ARFGEF3: variants seen among roughly 807,000 people sequenced by gnomAD.
ARFGEF3 encodes ARFGEF family member 3, also known as brefeldin A-inhibited guanine nucleotide-exchange protein 3.
Under a neutral mutation model 221.7 loss-of-function variants are expected in ARFGEF3, and 96 were observed. The observed-to-expected ratio is 0.43, with a 90% CI of 0.37 to 0.51. ARFGEF3 has a LOEUF of 0.51. ARFGEF3 is among the 20% of genes least tolerant of loss of function. ARFGEF3 has a pLI of 0.00. For synonymous variants in ARFGEF3, 1,145 were observed against 1,126.8 expected, an observed-to-expected ratio of 1.02 and a Z score of -0.32; for missense variants, 2,410 against 2,789.9, an observed-to-expected ratio of 0.86 and a Z score of 3.07.
At chr6:138,233,502 G>T (rs1292122469) in intron 5 of ARFGEF3, among the ~76,000 whole-genome samples, 1 of 151,900 alleles carries the variant, frequency 6.6e-6, no homozygotes. Flanking sequence ...TCAGCCTCCC[G>T]AGTAGCTGGG....
chr6:138,227,723 A>G (rs1778110893), intron 4 of ARFGEF3, among the ~76,000 whole-genome samples: 1 of 152,240 alleles, frequency 6.6e-6, no homozygotes, highest in Non-Finnish European at 1.5e-5. Context: ...CACAGGCTCC[A>G]CGGATGGTAT....
intron 2 of ARFGEF3, among the ~76,000 whole-genome samples, chr6:138,194,781 T>C (rs1353749273): frequency 6.6e-6 from 1 of 152,010 alleles, no homozygotes; most frequent in Non-Finnish European, 1.5e-5. Context: ...AAAGAGAAGC[T>C]ATTCCAGGAA....
At chr6:138,320,945 C>G (rs1780012816) in intron 28 of ARFGEF3, among the ~76,000 whole-genome samples, 166 bp from the exon 29 acceptor site, 1 of 151,372 alleles carries the variant, frequency 6.6e-6, no homozygotes, top group African/African-American at 2.4e-5. Context: ...TGGGTTTTGG[C>G]GGGGGGGGGC....
rs116045215 is a variant in ARFGEF3, at chr6:138,275,162, C to T, written c.2129-3289C>T. On this transcript the variant is annotated intron_variant, in intron 12 of 33. Transcript: ENST00000251691. ...TTTAAAAAATAATAATAAAATGCACCTCAGCCCATGATCACAAAGTGCTCT... is the reference window on the plus strand; with the variant it reads ...TTTAAAAAATAATAATAAAATGCACTTCAGCCCATGATCACAAAGTGCTCT... Among the ~76,000 whole-genome samples the T allele has an allele frequency of 1.8e-3, 274 of 152,008 alleles. 3 individuals carry two copies. Among genetic ancestry groups the T allele is most frequent in the African/African-American group, 6.4e-3 (266 of 41,480 alleles).
chr6:138,250,455 G>T (rs973089280), intron 8 of ARFGEF3, among the ~76,000 whole-genome samples: 1 of 152,156 alleles, frequency 6.6e-6, no homozygotes, highest in African/African-American at 2.4e-5. Context: ...CTATACCAAC[G>T]CAGGCTTGGA....
chr6:138,316,612 G>C (rs1428126807), intron 26 of ARFGEF3, among the ~76,000 whole-genome samples: 1 of 152,154 alleles, frequency 6.6e-6, no homozygotes, highest in African/African-American at 2.4e-5. Flanking sequence ...TTCATCTGTA[G>C]ATGTTTCAGT....
chr6:138,250,145 CA>C (rs752214733), intron 8 of ARFGEF3, among the ~76,000 whole-genome samples: 3 of 152,152 alleles, frequency 2.0e-5, no homozygotes, highest in Non-Finnish European at 4.4e-5. Context: ...CAGCCATTTC[CA>C]AAATCAGTGC....
chr6:138,261,440 A>G, intron 10 of ARFGEF3, 87 bp from the exon 11 acceptor site: 2 of 720,674 alleles, frequency 2.8e-6, no homozygotes, highest in Non-Finnish European at 4.7e-6. Flanking sequence ...TAGGGAAAGT[A>G]CATGTTTTTT....
At chr6:138,194,439 G>T (rs1275000207) in intron 2 of ARFGEF3, among the ~76,000 whole-genome samples, 1 of 152,168 alleles carries the variant, frequency 6.6e-6, no homozygotes, top group African/African-American at 2.4e-5. Flanking sequence ...GCTAACTCCA[G>T]ATTGCCAGCT....
chr6:138,201,625 C>T (rs1227029744), intron 2 of ARFGEF3, among the ~76,000 whole-genome samples: 2 of 152,046 alleles, frequency 1.3e-5, no homozygotes, highest in South Asian at 2.1e-4. Flanking sequence ...GCTATGAAGA[C>T]GCAAAGGCAT....
At chr6:138,241,268 A>G (rs1778389871) in intron 6 of ARFGEF3, among the ~76,000 whole-genome samples, 1 of 152,228 alleles carries the variant, frequency 6.6e-6, no homozygotes, top group Non-Finnish European at 1.5e-5. Context: ...CCATCTTCCC[A>G]GGTGCAGAAT....
intron 2 of ARFGEF3, among the ~76,000 whole-genome samples, chr6:138,172,792 A>G (rs1224814155): frequency 6.6e-6 from 1 of 152,184 alleles, no homozygotes; most frequent in Non-Finnish European, 1.5e-5. Flanking sequence ...TAACTGGGAG[A>G]AATATAAACA....
chr6:138,265,768 G>A (rs989853993), intron 12 of ARFGEF3, among the ~76,000 whole-genome samples: 1 of 152,216 alleles, frequency 6.6e-6, no homozygotes, highest in South Asian at 2.1e-4. Context: ...TTTATTGATT[G>A]TAAATTGATG....
rs760554395 is a variant in ARFGEF3 at position 138,294,112 on chromosome 6, C to G, written c.3488C>G (p.Ser1163Cys). ...FHSVTDTVDYSLAMPGEVKST... is the reference protein window; with the variant it reads ...FHSVTDTVDYCLAMPGEVKST... Reference sequence around the variant, plus strand: ...TCTGTTACAGATACAGTTGATTACTCTCTGGCAATGCCAGGTAATTCTTTC... The same window carrying G: ...TCTGTTACAGATACAGTTGATTACTGTCTGGCAATGCCAGGTAATTCTTTC... The change falls in exon 20 of 34, where the codon TCT becomes TGT. Residue 1163 changes from serine to cysteine, a missense_variant. Around this residue, in one of 5 missense-constraint regions of ARFGEF3, gnomAD observed 723 missense variants for 991.9 expected, o/e 0.73. Transcript: ENST00000251691. The G allele has an allele frequency of 3.1e-6, 5 of 1,613,668 alleles. No individual in the cohort carries two copies. Among genetic ancestry groups the G allele is most frequent in the Admixed American group, 1.7e-5 (1 of 59,962 alleles).
intron 8 of ARFGEF3, among the ~76,000 whole-genome samples, chr6:138,252,478 C>G (rs757974212): frequency 5.1e-4 from 78 of 152,170 alleles, no homozygotes; most frequent in Non-Finnish European, 9.0e-4. Flanking sequence ...CTCTGTCTTA[C>G]AATTGTGTGG....
At chr6:138,292,196 C>A in intron 19 of ARFGEF3, 143 bp downstream of exon 19, 1 of 759,252 alleles carries the variant, frequency 1.3e-6, no homozygotes, top group Non-Finnish European at 1.9e-6. Context: ...TTAGTTCTCT[C>A]TACCATTACA....
rs1463983013 is a variant in ARFGEF3 at position 138,296,920 on chromosome 6, C to T, written c.3613C>T (p.Arg1205Cys). Reference sequence around the variant, plus strand: ...AGCACGGCCCCTGCTCCACGTGATGCGCTGCTGGAGCCTTGTGGCCCCACA... The same window carrying T: ...AGCACGGCCCCTGCTCCACGTGATGTGCTGCTGGAGCCTTGTGGCCCCACA... ...SKARPLLHVMRCWSLVAPHLV... is the reference protein window; with the variant it reads ...SKARPLLHVMCCWSLVAPHLV... The change falls in exon 21 of 34, where the codon CGC becomes TGC. Residue 1205 changes from arginine to cysteine, a missense_variant. Physicochemically the swap from Arg to Cys is radical, Grantham distance 180 (BLOSUM62 -3). Coordinates refer to ENST00000251691, the MANE Select transcript of ARFGEF3 (RefSeq NM_020340.5). 16 of 1,613,644 alleles carry T rather than the reference C, an allele frequency of 9.9e-6. No homozygotes were observed. The highest frequency in any genetic ancestry group is 1.3e-5 in the African/African-American group (1 of 74,910).
chr6:138,176,805 AT>A (rs1776957640), intron 2 of ARFGEF3, among the ~76,000 whole-genome samples: 1 of 152,108 alleles, frequency 6.6e-6, no homozygotes, highest in African/African-American at 2.4e-5. Context: ...TCTAGGGATG[AT>A]AAATTCTCTT....
chr6:138,317,187 A>T, intron 26 of ARFGEF3, 64 bp from the exon 27 acceptor site: 1 of 1,568,194 alleles, frequency 6.4e-7, no homozygotes, highest in Non-Finnish European at 8.7e-7. Context: ...GTTTAATTGG[A>T]TCTTGAGATG....
Sources: allele counts gnomAD v4.1 joint callset (sites outside exome capture counted in the v4.1 genomes callset), GRCh38; gene constraint gnomAD v4.1.1; regional missense constraint gnomAD v4.1.1; transcripts MANE v1.5; gene names NCBI Gene and HGNC (gene_info 2026-07-23, HGNC 2026-07-21).